Variants in SAMD12 observed in about 807,000 individuals in gnomAD.
SAMD12 encodes sterile alpha motif domain containing 12.
SAMD12 carries 9 observed loss-of-function variants against 15.0 expected under a neutral mutation model. The observed-to-expected ratio is 0.60, with a 90% CI of 0.36 to 1.05. SAMD12 has a LOEUF of 1.05. SAMD12 is among the 50% of genes least tolerant of loss of function. The pLI is 0.01. For synonymous variants in SAMD12, 86 were observed against 90.1 expected (o/e 0.96, Z 0.25); for missense variants, 230 against 234.2 (o/e 0.98, Z 0.12).
intron 1 of SAMD12, among the ~76,000 whole-genome samples, chr8:118,591,872 T>C (rs1222307372): frequency 6.6e-6 from 1 of 152,154 alleles, no homozygotes; most frequent in East Asian, 1.9e-4. Context: ...AGTCTTTACA[T>C]ATGACAGTTG....
At chr8:118,510,401 C>T (rs1036754956) in intron 2 of SAMD12, among the ~76,000 whole-genome samples, 3 of 152,070 alleles carry the variant, frequency 2.0e-5, no homozygotes, top group African/African-American at 4.8e-5. Context: ...TTGTTCGGGA[C>T]CACAATAATT....
intron 1 of SAMD12, among the ~76,000 whole-genome samples, chr8:118,610,161 C>G (rs1400599447): frequency 6.6e-6 from 1 of 152,044 alleles, no homozygotes; most frequent in East Asian, 1.9e-4. Flanking sequence ...CAACAAAAAC[C>G]CAAAGACCTA....
intron 3 of SAMD12, among the ~76,000 whole-genome samples, chr8:118,424,778 A>G (rs1185727149): frequency 2.0e-5 from 3 of 152,116 alleles, no homozygotes; most frequent in Non-Finnish European, 4.4e-5. Context: ...AACACATGAC[A>G]TCAGGCTCCT....
intron 4 of SAMD12, among the ~76,000 whole-genome samples, chr8:118,250,936 A>G (rs1812806079): frequency 6.6e-6 from 1 of 152,156 alleles, no homozygotes; most frequent in African/African-American, 2.4e-5. Context: ...TTTACTAAAT[A>G]GTTACCTTGT....
the SAMD12 span, among the ~76,000 whole-genome samples, chr8:118,173,619 A>G: frequency 2.1e-5 from 3 of 143,230 alleles, no homozygotes; most frequent in Admixed American, 7.3e-5. Context: ...ATTAAATTAT[A>G]TACATATCCA....
intron 4 of SAMD12, among the ~76,000 whole-genome samples, chr8:118,203,113 T>C (rs1379864725): frequency 6.6e-6 from 1 of 152,140 alleles, no homozygotes; most frequent in African/African-American, 2.4e-5. Flanking sequence ...CTTTCCTGAC[T>C]CAATAAGAAA....
intron 4 of SAMD12, among the ~76,000 whole-genome samples, chr8:118,324,860 A>G (rs1816488153): frequency 6.6e-6 from 1 of 152,188 alleles, no homozygotes; most frequent in South Asian, 2.1e-4. Flanking sequence ...AGACAGTGAT[A>G]AGCTTCATCA....
intron 4 of SAMD12, among the ~76,000 whole-genome samples, chr8:118,201,041 T>C (rs1202067173): frequency 6.6e-6 from 1 of 152,210 alleles, no homozygotes; most frequent in African/African-American, 2.4e-5. Context: ...TGTATAGTGA[T>C]GGGTTCTGCC....
chr8:118,257,674 CTTCATACTGCTGGGTG>C (rs1812981175), intron 4 of SAMD12, among the ~76,000 whole-genome samples: 1 of 152,056 alleles, frequency 6.6e-6, no homozygotes, highest in South Asian at 2.1e-4. Flanking sequence ...TGGTCTCAGG[CTTCATACTGCTGGGTG>C]GTGGAAACTG....
In SAMD12 at chr8:118,522,334, CA is replaced by C. The variant is rs1239974006; in HGVS notation, c.192+58380del. Among the ~76,000 whole-genome samples, 13 of 152,094 alleles carry C rather than the reference CA, an allele frequency of 8.5e-5. No homozygotes were observed. The Middle Eastern group carries it at 0.014, about 159-fold the overall frequency. ...AGGCCACTCCGAATGGCTTTGTGGG[CA>C]GGGGAAAAAGGTGTTTTTGGCAGTA... On this transcript the variant is annotated intron_variant, in intron 2 of 3. Transcript: ENST00000314727.
rs530163906 is a variant in SAMD12 at position 118,221,786 on chromosome 8, T to C, written c.434-24054A>G. ...CTGGTTCTGCAGGTAGGGGATTATA[T>C]GGCTTGCCTTGCGGCAATTGTCAGA... On this transcript the variant is annotated intron_variant, in intron 4 of 4. Coordinates refer to the SAMD12 transcript ENST00000409003. Among the ~76,000 whole-genome samples, 6 of 152,386 alleles carry C rather than the reference T, an allele frequency of 3.9e-5. No homozygotes were observed. In the South Asian group the frequency reaches 1.2e-3, roughly 32 times the overall value.
intron 4 of SAMD12, among the ~76,000 whole-genome samples, chr8:118,270,438 G>A (rs924532158): frequency 6.6e-6 from 1 of 152,014 alleles, no homozygotes; most frequent in African/African-American, 2.4e-5. Flanking sequence ...ATAGACTTTA[G>A]TACCAGCAAT....
In SAMD12 at chr8:118,198,286, C is replaced by T. The variant is rs190969080; in HGVS notation, c.434-554G>A. On this transcript the variant is annotated intron_variant, in intron 4 of 4. Coordinates refer to the SAMD12 transcript ENST00000409003. Reference sequence around the variant, plus strand: ...ACTAGATAGAGAAAGTCATTAAAATCGGACCAGAGATTAAACTAATTGAAT... The same window carrying T: ...ACTAGATAGAGAAAGTCATTAAAATTGGACCAGAGATTAAACTAATTGAAT... Among the ~76,000 whole-genome samples the T allele has an allele frequency of 1.1e-4, 16 of 152,248 alleles. No homozygotes were observed. In the East Asian group the frequency reaches 2.3e-3, roughly 22 times the overall value.
chr8:118,193,606 C>A (rs1193616709), exon 5 of SAMD12: 1 of 152,126 alleles, frequency 6.6e-6, no homozygotes, highest in Non-Finnish European at 1.5e-5. Flanking sequence ...CGTTATTAAT[C>A]CCTACCTCAC....
chr8:118,280,079 G>A (rs1221139600), intron 4 of SAMD12, among the ~76,000 whole-genome samples: 1 of 152,180 alleles, frequency 6.6e-6, no homozygotes, highest in Non-Finnish European at 1.5e-5. Context: ...GTGGTGATGT[G>A]TAGGGAATTG....
intron 3 of SAMD12, among the ~76,000 whole-genome samples, chr8:118,418,210 C>A (rs772283621): frequency 6.6e-6 from 1 of 152,166 alleles, no homozygotes; most frequent in African/African-American, 2.4e-5. Context: ...ATTATACTAT[C>A]GATTACCTTC....
At chr8:118,413,322 T>G (rs1275178561) in intron 3 of SAMD12, among the ~76,000 whole-genome samples, 5 of 152,204 alleles carry the variant, frequency 3.3e-5, no homozygotes, top group Non-Finnish European at 4.4e-5. Flanking sequence ...GCAAGGTGCT[T>G]TCCTCATAAA....
intron 4 of SAMD12, among the ~76,000 whole-genome samples, chr8:118,275,677 C>A (rs781627793): frequency 2.4e-4 from 36 of 152,164 alleles, no homozygotes; most frequent in Non-Finnish European, 4.3e-4. Flanking sequence ...GCACAGTATC[C>A]AACAGTTAAT....
intron 4 of SAMD12, among the ~76,000 whole-genome samples, chr8:118,269,424 T>C (rs951454856): frequency 3.3e-5 from 5 of 152,214 alleles, no homozygotes; most frequent in African/African-American, 1.2e-4. Context: ...GTAACTTATA[T>C]GTGAAGAAAA....
Sources: gnomAD v4.1 joint callset for allele counts (sites outside exome capture counted in the v4.1 genomes callset) on GRCh38, gnomAD v4.1.1 for gene constraint, MANE v1.5 for transcripts, NCBI Gene and HGNC (gene_info 2026-07-23, HGNC 2026-07-21) for gene names.